Variants in ZFP90 observed in about 807,000 individuals in gnomAD.
The protein encoded by ZFP90 is zinc finger protein 90 homolog.
Under a neutral mutation model 60.8 loss-of-function variants are expected in ZFP90, and 38 were observed. That is an observed-to-expected ratio of 0.62 (90% confidence interval 0.48 to 0.82). ZFP90 has a LOEUF of 0.82. Ranked by LOEUF, ZFP90 falls within the 40% of genes least tolerant of loss-of-function variation. The pLI is 0.00. For synonymous variants in ZFP90, 287 were observed against 264.8 expected (o/e 1.08, Z -0.82); for missense variants, 711 against 759.1 (o/e 0.94, Z 0.74).
chr16:68,553,627 GT>G (rs897178305), intron 2 of ZFP90, among the ~76,000 whole-genome samples: 8 of 151,894 alleles, frequency 5.3e-5, no homozygotes, highest in Non-Finnish European at 1.2e-4. Flanking sequence ...GTTTTGTTTT[GT>G]TTTTCTTTGA....
rs903364071 is a variant in ZFP90 at position 68,565,548 on chromosome 16, T to G, written c.*850T>G. ...GAACTACTAGTGACTTTTTTCCCCT[T>G]TTCCCAGTTACAATTATACTTTCAG... On this transcript the variant is annotated 3_prime_UTR_variant, in exon 5 of 5. Transcript: ENST00000563169. The G allele has an allele frequency of 1.2e-4, 122 of 985,590 alleles. No individual in the cohort carries two copies. Among genetic ancestry groups the G allele is most frequent in the Admixed American group, 2.5e-4 (4 of 16,282 alleles). 61.1% of individuals were successfully genotyped at this position (985,590 alleles called of 1,614,324 possible). A position where few individuals can be genotyped will look rare whatever the true frequency, so the allele number is the denominator to read the frequency against.
chr16:68,545,100 C>T (rs1014203782), intron 2 of ZFP90, among the ~76,000 whole-genome samples: 4 of 151,744 alleles, frequency 2.6e-5, no homozygotes, highest in Non-Finnish European at 2.9e-5. Context: ...AGGATGGTTT[C>T]GATCTCCTGA....
intron 2 of ZFP90, among the ~76,000 whole-genome samples, chr16:68,545,949 C>G (rs576626044): frequency 6.6e-6 from 1 of 152,112 alleles, no homozygotes; most frequent in African/African-American, 2.4e-5. Context: ...CCGAGACAGG[C>G]GAATTGCATG....
intron 2 of ZFP90, among the ~76,000 whole-genome samples, chr16:68,541,459 G>A (rs2091048048): frequency 1.3e-5 from 2 of 151,614 alleles, no homozygotes; most frequent in South Asian, 4.2e-4. Flanking sequence ...AGCCACCACA[G>A]CTGGGCATGT....
intron 2 of ZFP90, among the ~76,000 whole-genome samples, chr16:68,544,941 G>A (rs941982706): frequency 1.6e-5 from 2 of 128,378 alleles, no homozygotes; most frequent in African/African-American, 3.0e-5. Flanking sequence ...GTGCAGTGGC[G>A]TGATTTCGGC....
downstream of ZFP90, among the ~76,000 whole-genome samples, chr16:68,571,549 T>C (rs2091568242): frequency 6.6e-6 from 1 of 152,122 alleles, no homozygotes; most frequent in South Asian, 2.1e-4. Flanking sequence ...CCTGGATAAC[T>C]TGTACACCAG....
At chr16:68,560,237 T>C (rs2091416168) in intron 4 of ZFP90, among the ~76,000 whole-genome samples, 1 of 152,146 alleles carries the variant, frequency 6.6e-6, no homozygotes, top group Admixed American at 6.5e-5. Context: ...TTTCAGAACA[T>C]TTTCCTCACA....
chr16:68,570,647 A>C (rs1007014411), downstream of ZFP90, among the ~76,000 whole-genome samples: 2 of 152,236 alleles, frequency 1.3e-5, no homozygotes, highest in Non-Finnish European at 2.9e-5. Flanking sequence ...GGTTGCTTTC[A>C]GCACTGTCTG....
downstream of ZFP90, among the ~76,000 whole-genome samples, chr16:68,568,773 G>A (rs1237237385): frequency 6.6e-6 from 1 of 152,118 alleles, no homozygotes; most frequent in Non-Finnish European, 1.5e-5. Context: ...CCACCTCCCA[G>A]GTTCAAGTGA....
intron 4 of ZFP90, 144 bp from the exon 5 acceptor site, chr16:68,562,900 T>A (rs762291688): frequency 1.3e-6 from 2 of 1,529,322 alleles, no homozygotes; most frequent in East Asian, 2.4e-5. Context: ...TTTCCTTTTC[T>A]CCATTTTGGG....
At chr16:68,548,521 G>C (rs11649663) in intron 2 of ZFP90, among the ~76,000 whole-genome samples, 2 of 124,668 alleles carry the variant, frequency 1.6e-5, no homozygotes, top group East Asian at 2.3e-4. Context: ...ACGGAGTTTC[G>C]CTCTTATTGC....
In ZFP90 at chr16:68,564,708, A is replaced by T; in HGVS notation, c.*10A>T. On this transcript the variant is annotated 3_prime_UTR_variant, in exon 5 of 5. Transcript: ENST00000563169. ...TCGAAATAAACTCTAGGAACCGTGAAATTAAGGAATTTGCAGAATGCTTTA... is the reference window on the plus strand; with the variant it reads ...TCGAAATAAACTCTAGGAACCGTGATATTAAGGAATTTGCAGAATGCTTTA... 1 of 1,581,460 alleles carries T rather than the reference A, an allele frequency of 6.3e-7. No individual in the cohort carries two copies. The highest frequency in any genetic ancestry group is 1.9e-5 in the Admixed American group (1 of 52,328).
chr16:68,565,867 G>C lies in ZFP90; in HGVS notation c.*1169G>C. On this transcript the variant is annotated 3_prime_UTR_variant, in exon 5 of 5. Transcript: ENST00000563169. ...TGGCTAGGTATGGTGTCTCACACCTGTAATCCCAGCACTTTGGGTGGCTAA... is the reference window on the plus strand; with the variant it reads ...TGGCTAGGTATGGTGTCTCACACCTCTAATCCCAGCACTTTGGGTGGCTAA... 1.0e-6 allele frequency: 1 copy of C among 983,138 alleles called. No homozygotes were observed. The highest frequency in any genetic ancestry group is 1.2e-6 in the Non-Finnish European group (1 of 828,020). The allele number at this position is 983,138 out of a possible 1,614,324, so 60.9% of individuals were successfully genotyped here.
upstream of ZFP90, among the ~76,000 whole-genome samples, chr16:68,537,551 T>C (rs2090970635): frequency 6.6e-6 from 1 of 152,148 alleles, no homozygotes; most frequent in Non-Finnish European, 1.5e-5. Flanking sequence ...AAAGCAGTGA[T>C]AGAAAGCATT....
rs533697767 is a variant in ZFP90, at chr16:68,565,340, C to G, written c.*642C>G. The G allele has an allele frequency of 4.1e-6, 4 of 985,508 alleles. No homozygotes were observed. Among genetic ancestry groups the G allele is most frequent in the East Asian group, 2.2e-4 (2 of 8,908 alleles). 61.0% of individuals were successfully genotyped at this position (985,508 alleles called of 1,614,324 possible). A position where few individuals can be genotyped will look rare whatever the true frequency, so the allele number is the denominator to read the frequency against. ...AAAGGTTATTTTTGGACTCAGAGGGCTTTAAAATAAATTTTAAGATGTATC... is the reference window on the plus strand; with the variant it reads ...AAAGGTTATTTTTGGACTCAGAGGGGTTTAAAATAAATTTTAAGATGTATC... On this transcript the variant is annotated 3_prime_UTR_variant, in exon 5 of 5. Transcript: ENST00000563169.
chr16:68,540,339 C>G (rs1407996628), intron 2 of ZFP90, among the ~76,000 whole-genome samples: 2 of 152,106 alleles, frequency 1.3e-5, no homozygotes, highest in South Asian at 2.1e-4. Flanking sequence ...AAATAAAAAA[C>G]AACCAAAAAT....
intron 2 of ZFP90, among the ~76,000 whole-genome samples, chr16:68,540,105 C>T (rs1475278658): frequency 6.6e-6 from 1 of 152,072 alleles, no homozygotes; most frequent in Non-Finnish European, 1.5e-5. Flanking sequence ...CTGAATGCCA[C>T]GCCAGTTTTT....
downstream of ZFP90, among the ~76,000 whole-genome samples, chr16:68,571,930 G>A (rs1157886997): frequency 2.0e-5 from 3 of 152,232 alleles, no homozygotes; most frequent in African/African-American, 4.8e-5. Flanking sequence ...AGGAGCATGA[G>A]TGACTATTTG....
rs1260724019 is a variant in ZFP90 at position 68,564,951 on chromosome 16, T to G, written c.*253T>G. 24 of 1,222,212 alleles carry G rather than the reference T, an allele frequency of 2.0e-5. No homozygotes were observed. The highest frequency in any genetic ancestry group is 2.3e-5 in the Non-Finnish European group (23 of 980,348). The allele number at this position is 1,222,212 out of a possible 1,614,324, so 75.7% of individuals were successfully genotyped here. A position where few individuals can be genotyped will look rare whatever the true frequency, so the allele number is the denominator to read the frequency against. On this transcript the variant is annotated 3_prime_UTR_variant, in exon 5 of 5. Transcript: ENST00000563169. ...GATGATATGCCTGTATGTTGGACTT[T>G]GCTTTTGAATATATGTATGCAGGAT...
Sources: gnomAD v4.1 joint callset for allele counts (sites outside exome capture counted in the v4.1 genomes callset) on GRCh38, gnomAD v4.1.1 for gene constraint, MANE v1.5 for transcripts, NCBI Gene and HGNC (gene_info 2026-07-23, HGNC 2026-07-21) for gene names.